Variants in CUL2 observed in about 807,000 individuals in gnomAD.
CUL2 encodes cullin-2.
CUL2 carries 22 observed loss-of-function variants against 110.2 expected under a neutral mutation model. The observed-to-expected ratio is 0.20, with a 90% confidence interval of 0.14 to 0.28. CUL2 has a LOEUF of 0.28. CUL2 is among the 10% of genes least tolerant of loss of function. The pLI is 1.00. For synonymous variants in CUL2, 279 were observed against 293.2 expected, an observed-to-expected ratio of 0.95 and a Z score of 0.49; for missense variants, 631 against 905.5, an observed-to-expected ratio of 0.70 and a Z score of 3.89.
chr10:35,087,488 C>T (rs2087092615), intron 1 of CUL2, among the ~76,000 whole-genome samples: 1 of 152,168 alleles, frequency 6.6e-6, no homozygotes, highest in Non-Finnish European at 1.5e-5. Context: ...TCCTTAACCT[C>T]TAAGTTCCAC....
chr10:35,082,709 T>C (rs1388566109), intron 1 of CUL2, among the ~76,000 whole-genome samples: 1 of 152,210 alleles, frequency 6.6e-6, no homozygotes, highest in Non-Finnish European at 1.5e-5. Flanking sequence ...GGTACTATGA[T>C]GACAAAATAC....
chr10:35,119,713 G>A (rs2087654871), intron 1 of CUL2, among the ~76,000 whole-genome samples: 1 of 151,870 alleles, frequency 6.6e-6, no homozygotes, highest in South Asian at 2.1e-4. Context: ...TGGGACTACA[G>A]ACATGCTACC....
intron 19 of CUL2, among the ~76,000 whole-genome samples, chr10:35,012,676 G>A (rs2084933947): frequency 6.6e-6 from 1 of 152,184 alleles, no homozygotes; most frequent in Admixed American, 6.5e-5. Context: ...TAGCCTGGAG[G>A]AAAATGGAAT....
chr10:35,070,750 A>C lies in CUL2; in HGVS notation c.119+449T>G, dbSNP rs957759010. 5.3e-5 allele frequency among the ~76,000 whole-genome samples: 8 copies of C among 152,248 alleles called. No individual in the cohort carries two copies. In the East Asian group the frequency reaches 1.3e-3, roughly 26 times the overall value. On this transcript the variant is annotated intron_variant, in intron 2 of 20. Coordinates refer to ENST00000374749, the MANE Select transcript of CUL2 (RefSeq NM_003591.4). ...CTCGCTGCATTCCAGTCTCTGCTCT[A>C]ATGTCACCATCCTCAGGGAGGCCTT...
intron 1 of CUL2, among the ~76,000 whole-genome samples, chr10:35,073,472 A>G (rs1007862716): frequency 1.3e-5 from 2 of 152,172 alleles, no homozygotes; most frequent in African/African-American, 4.8e-5. Flanking sequence ...GTTAATATTT[A>G]CATTGTGTAT....
At chr10:35,067,843 C>G (rs997472390) in intron 2 of CUL2, among the ~76,000 whole-genome samples, 1 of 152,042 alleles carries the variant, frequency 6.6e-6, no homozygotes, top group Admixed American at 6.6e-5. Flanking sequence ...CGTGGTGGCT[C>G]ATACCTGTAA....
At chr10:35,017,120 T>A (rs1190372249) in intron 17 of CUL2, among the ~76,000 whole-genome samples, 1 of 151,818 alleles carries the variant, frequency 6.6e-6, no homozygotes, top group Non-Finnish European at 1.5e-5. Flanking sequence ...CCAGGTAAGG[T>A]TCAAGCCTCC....
chr10:35,027,335 G>A (rs1267196159), intron 16 of CUL2, among the ~76,000 whole-genome samples: 2 of 151,808 alleles, frequency 1.3e-5, no homozygotes, highest in Non-Finnish European at 2.9e-5. Flanking sequence ...TAGTAGAGAC[G>A]GGGTTTCACT....
chr10:35,083,872 A>G (rs1021373908), intron 1 of CUL2, among the ~76,000 whole-genome samples: 1 of 152,230 alleles, frequency 6.6e-6, no homozygotes, highest in African/African-American at 2.4e-5. Flanking sequence ...GATATTTTTA[A>G]AAATTTACAT....
chr10:35,039,673 T>C (rs1801230397), intron 8 of CUL2, among the ~76,000 whole-genome samples: 2 of 152,092 alleles, frequency 1.3e-5, no homozygotes, highest in Admixed American at 6.6e-5. Flanking sequence ...GAGACCAGCA[T>C]GGCCAATATG....
intron 4 of CUL2, among the ~76,000 whole-genome samples, chr10:35,059,845 T>C (rs1354199200): frequency 1.3e-5 from 2 of 152,222 alleles, no homozygotes; most frequent in Non-Finnish European, 2.9e-5. Flanking sequence ...TCAGCATTGC[T>C]TTCTTCCTCT....
At chr10:35,055,909 C>A (rs985769625) in intron 4 of CUL2, among the ~76,000 whole-genome samples, 3 of 152,118 alleles carry the variant, frequency 2.0e-5, no homozygotes, top group Non-Finnish European at 2.9e-5. Flanking sequence ...ACCTAAGTGC[C>A]CCATCCCAGA....
At position 35,049,780 on chromosome 10, in the gene CUL2, G is replaced by GAA; in HGVS notation, c.424-17_424-16dup. On this transcript the variant is annotated splice_polypyrimidine_tract_variant and intron_variant, in intron 5 of 20. Coordinates refer to ENST00000374749, the MANE Select transcript of CUL2 (RefSeq NM_003591.4). ...TCCAATGCTAGCTGCCGGGAAAAACGAAAATCATCAGGGCTGAATTACTTA... is the reference window on the plus strand; with the variant it reads ...TCCAATGCTAGCTGCCGGGAAAAACGAAAAAATCATCAGGGCTGAATTACTTA... The GAA allele has an allele frequency of 6.3e-7, 1 of 1,586,082 alleles. No individual in the cohort carries two copies. The highest frequency in any genetic ancestry group is 8.6e-7 in the Non-Finnish European group (1 of 1,157,000).
At chr10:35,064,924 G>A (rs889251164) in intron 2 of CUL2, among the ~76,000 whole-genome samples, 32 of 152,204 alleles carry the variant, frequency 2.1e-4, no homozygotes, top group African/African-American at 7.5e-4. Flanking sequence ...AGCTACACAA[G>A]AGAGGTGGTA....
Position 35,025,133 on chromosome 10 carries a change from T to C in CUL2, c.1683A>G (p.Thr561=). 1 of 1,548,246 alleles carries C rather than the reference T, an allele frequency of 6.5e-7. No individual in the cohort carries two copies. The highest frequency in any genetic ancestry group is 8.7e-7 in the Non-Finnish European group (1 of 1,153,180). The change falls in exon 17 of 21, where the codon ACA becomes ACG. Residue 561 remains threonine (T), a splice_region_variant and synonymous_variant. Coordinates refer to ENST00000374749, the MANE Select transcript of CUL2 (RefSeq NM_003591.4). ...CAGATATAATTAAATGCATTTTACC[T>C]GTACACAGATAATGTAACCATGTAA... is the stretch of plus-strand genomic sequence containing the variant. The part of the protein sequence containing the change: ...RKLTWLHYLC[T]GEVKMNYLGK...
rs531185570 is a variant in CUL2 at position 35,010,341 on chromosome 10, C to T, written c.2208G>A (p.Ala736=). Residue 736 remains alanine (A), a synonymous_variant, in exon 21 of 21, where the codon GCG becomes GCA. Coordinates refer to ENST00000374749, the MANE Select transcript of CUL2 (RefSeq NM_003591.4). ...IDKQYIERSQ[A]SADEYSYVA is the part of the protein sequence containing the mutation. ...CGACGTAGCTGTATTCATCTGCCGA[C>T]GCCTGGCTGCGTTCTATGTATTGTT... is the stretch of plus-strand genomic sequence containing the variant. The T allele has an allele frequency of 2.3e-5, 37 of 1,610,948 alleles. No homozygotes were observed. The highest frequency in any genetic ancestry group is 4.5e-5 in the East Asian group (2 of 44,646).
At chr10:35,060,272 A>C (rs2086347940) in intron 4 of CUL2, among the ~76,000 whole-genome samples, 1 of 152,178 alleles carries the variant, frequency 6.6e-6, no homozygotes, top group Admixed American at 6.5e-5. Flanking sequence ...AAAATAAAAA[A>C]TAAAAAAAAG....
At chr10:35,054,385 G>T in intron 5 of CUL2, 49 bp downstream of exon 5, 1 of 987,580 alleles carries the variant, frequency 1.0e-6, no homozygotes, top group Non-Finnish European at 1.5e-6. Flanking sequence ...AATTACCTCA[G>T]TGTATAAAAA....
chr10:35,083,595 G>A (rs924851379), intron 1 of CUL2, among the ~76,000 whole-genome samples: 4 of 152,156 alleles, frequency 2.6e-5, no homozygotes, highest in African/African-American at 9.7e-5. Flanking sequence ...GAAAATAGAA[G>A]GTGCTTTCCC....
Sources: allele counts gnomAD v4.1 joint callset (sites outside exome capture counted in the v4.1 genomes callset), GRCh38; gene constraint gnomAD v4.1.1; transcripts MANE v1.5; gene names NCBI Gene and HGNC (gene_info 2026-07-23, HGNC 2026-07-21).